The following KCNH5 variants were observed in gnomAD, a reference collection of about 807,000 sequenced individuals.
The protein encoded by KCNH5 is voltage-gated delayed rectifier potassium channel KCNH5.
A neutral mutation model predicts 96.1 loss-of-function variants in KCNH5; 46 were observed. The observed-to-expected ratio is 0.48, with a 90% CI of 0.38 to 0.61. The LOEUF is 0.61. Ranked by LOEUF, KCNH5 falls within the 20% of genes least tolerant of loss-of-function variation. KCNH5 has a pLI of 0.00. For synonymous variants in KCNH5, 439 were observed against 449.8 expected (o/e 0.98, Z 0.30); for missense variants, 907 against 1,225.8 (o/e 0.74, Z 3.88).
At chr14:62,838,832 A>G (rs1887517778) in intron 8 of KCNH5, among the ~76,000 whole-genome samples, 1 of 152,210 alleles carries the variant, frequency 6.6e-6, no homozygotes, top group African/African-American at 2.4e-5. Flanking sequence ...GGAAAGAGTA[A>G]ACATTAAACA....
intron 1 of KCNH5, among the ~76,000 whole-genome samples, chr14:63,019,979 A>G (rs944344174): frequency 6.6e-6 from 1 of 152,096 alleles, no homozygotes; most frequent in African/African-American, 2.4e-5. Flanking sequence ...CCTACAAAAG[A>G]ACAAACAACC....
chr14:62,860,474 T>C (rs757047524), intron 7 of KCNH5, among the ~76,000 whole-genome samples: 1 of 152,206 alleles, frequency 6.6e-6, no homozygotes, highest in Non-Finnish European at 1.5e-5. Context: ...CTGGGCAATA[T>C]AGAAAAATCC....
rs1050337000 is a variant in KCNH5 at position 62,708,264 on chromosome 14, C to T, written c.2211G>A (p.Glu737=). ...GDPERNQLQV[E]SRSLQNGASI... ...AGGCTCCATTCTGTAAGGAGCGGCT[C>T]TCTACCTGGAGTTGGTTCCTCTCAG... Residue 737 remains glutamate, a synonymous_variant, in exon 11 of 11, where the codon GAG becomes GAA. Transcript: ENST00000322893. 2 of 1,614,180 alleles carry T rather than the reference C, an allele frequency of 1.2e-6. No individual in the cohort carries two copies. Among genetic ancestry groups the T allele is most frequent in the Non-Finnish European group, 8.5e-7 (1 of 1,180,036 alleles).
intron 4 of KCNH5, among the ~76,000 whole-genome samples, chr14:62,990,091 G>A (rs1379502651): frequency 4.6e-5 from 7 of 151,362 alleles, no homozygotes; most frequent in South Asian, 2.1e-4. Flanking sequence ...GCCCACTTTC[G>A]TTCCCTGTGT....
chr14:62,916,821 G>C (rs1328706416), intron 7 of KCNH5, among the ~76,000 whole-genome samples: 1 of 152,104 alleles, frequency 6.6e-6, no homozygotes, highest in Admixed American at 6.6e-5. Context: ...CATCGTTTAC[G>C]GCTCTCAGTC....
At chr14:62,861,082 G>A (rs904508622) in intron 7 of KCNH5, among the ~76,000 whole-genome samples, 1 of 152,094 alleles carries the variant, frequency 6.6e-6, no homozygotes, top group African/African-American at 2.4e-5. Context: ...TAAAACTTCA[G>A]CTGAATACAA....
chr14:63,023,511 T>C (rs913865063), intron 1 of KCNH5, among the ~76,000 whole-genome samples: 1 of 152,202 alleles, frequency 6.6e-6, no homozygotes, highest in Non-Finnish European at 1.5e-5. Flanking sequence ...ATAAATTATA[T>C]GCCTAGTCTG....
intron 4 of KCNH5, among the ~76,000 whole-genome samples, chr14:63,000,861 G>A: frequency 6.6e-6 from 1 of 152,164 alleles, no homozygotes. Flanking sequence ...GATAACTTGA[G>A]CCCAAGTGTT....
intron 7 of KCNH5, among the ~76,000 whole-genome samples, chr14:62,868,772 C>T (rs113110967): frequency 0.05 from 7,638 of 152,084 alleles, 634 homozygotes; most frequent in African/African-American, 0.17. Context: ...TACTTAAGAG[C>T]GAGAACATGC....
chr14:62,857,863 A>C (rs1030235209), intron 7 of KCNH5, among the ~76,000 whole-genome samples: 4 of 152,136 alleles, frequency 2.6e-5, no homozygotes, highest in African/African-American at 7.2e-5. Context: ...ATTATTACCC[A>C]TCACAAGTCC....
chr14:62,732,670 T>C (rs1212319907), intron 10 of KCNH5, among the ~76,000 whole-genome samples: 1 of 152,174 alleles, frequency 6.6e-6, no homozygotes, highest in Non-Finnish European at 1.5e-5. Context: ...GTATGACTAT[T>C]TTGATGGGCT....
At chr14:62,733,634 G>T (rs973043010) in intron 10 of KCNH5, among the ~76,000 whole-genome samples, 7 of 152,220 alleles carry the variant, frequency 4.6e-5, no homozygotes, top group African/African-American at 1.4e-4. Flanking sequence ...ACATATAACT[G>T]TTTTCTTTCT....
chr14:62,702,238 T>C lies in KCNH5; in HGVS notation c.*5270A>G, dbSNP rs1260877901. The C allele has an allele frequency of 6.6e-6, 1 of 152,090 alleles. No homozygotes were observed. The highest frequency in any genetic ancestry group is 1.5e-5 in the Non-Finnish European group (1 of 67,938). The allele number at this position is 152,090 out of a possible 1,614,324, so 9.4% of individuals were successfully genotyped here. On this transcript the variant is annotated 3_prime_UTR_variant, in exon 11 of 11. Coordinates refer to ENST00000322893, the MANE Select transcript of KCNH5 (RefSeq NM_139318.5). ...GAGAAGTAAAGGAAAATTCCACTGT[T>C]GGGACAGGGCACCTTTTGCTTAAGA...
chr14:62,893,542 G>T (rs903335166), intron 7 of KCNH5, among the ~76,000 whole-genome samples: 3 of 152,140 alleles, frequency 2.0e-5, no homozygotes, highest in Non-Finnish European at 1.5e-5. Flanking sequence ...GATCACTTGA[G>T]GTCAGGAGTT....
chr14:62,846,991 A>G (rs865839298), intron 8 of KCNH5, among the ~76,000 whole-genome samples: 6 of 148,782 alleles, frequency 4.0e-5, no homozygotes, highest in Admixed American at 6.7e-5. Flanking sequence ...TAGTAGAGAC[A>G]GAGTTTCACA....
At chr14:62,745,347 G>A (rs1463651111) in intron 10 of KCNH5, among the ~76,000 whole-genome samples, 1 of 152,172 alleles carries the variant, frequency 6.6e-6, no homozygotes, top group Non-Finnish European at 1.5e-5. Context: ...CTCTAACAAT[G>A]AGAGGTTATC....
At position 62,707,731 on chromosome 14, in the gene KCNH5, T is replaced by G. The variant is rs1595587273; in HGVS notation, c.2744A>C (p.His915Pro). 1 of 1,610,528 alleles carries G rather than the reference T, an allele frequency of 6.2e-7. No homozygotes were observed. Among genetic ancestry groups the G allele is most frequent in the African/African-American group, 1.3e-5 (1 of 74,858 alleles). The change falls in exon 11 of 11, where the codon CAC becomes CCC. Residue 915 changes from histidine (H) to proline (P), a missense_variant. Physicochemically the swap from His to Pro is moderately conservative, Grantham distance 77 (BLOSUM62 -2). This residue lies in a region of KCNH5 where 362 missense variants were observed against 394.4 expected (regional missense o/e 0.92). Transcript: ENST00000322893. ...CAGCTGGATGTCCTCTTTGAGTTCG[T>G]GTTTGACTTCCTGCAGTGTGGTCTG... The part of the protein sequence containing the change: ...ALQTTLQEVK[H>P]ELKEDIQLLS...
intron 7 of KCNH5, among the ~76,000 whole-genome samples, chr14:62,855,106 G>A (rs1040053445): frequency 6.6e-6 from 1 of 151,780 alleles, no homozygotes; most frequent in African/African-American, 2.4e-5. Context: ...ATGCTGTGAG[G>A]AAGCCCGAGC....
At chr14:62,714,146 A>T (rs1884634205) in intron 10 of KCNH5, among the ~76,000 whole-genome samples, 2 of 150,978 alleles carry the variant, frequency 1.3e-5, no homozygotes, top group African/African-American at 2.4e-5. Flanking sequence ...AAAAATAGAT[A>T]TGCATGGTGG....
Sources: allele counts gnomAD v4.1 joint callset (sites outside exome capture counted in the v4.1 genomes callset), GRCh38; gene constraint gnomAD v4.1.1; regional missense constraint gnomAD v4.1.1; transcripts MANE v1.5; gene names NCBI Gene and HGNC (gene_info 2026-07-23, HGNC 2026-07-21).